TOX: variants seen among roughly 807,000 people sequenced by gnomAD.
The protein encoded by TOX is thymocyte selection-associated high mobility group box protein TOX.
TOX carries 11 observed loss-of-function variants against 53.7 expected under a neutral mutation model. The ratio of observed to expected loss-of-function variants is 0.20; its 90% CI spans 0.13 to 0.34. TOX has a LOEUF of 0.34. TOX is among the 10% of genes least tolerant of loss of function. TOX has a pLI of 1.00. For missense variants in TOX, 570 were observed against 664.6 expected (o/e 0.86, Z 1.56); for synonymous variants, 225 against 245.3 (o/e 0.92, Z 0.77).
At chr8:58,924,672 T>C (rs1294961799) in intron 3 of TOX, among the ~76,000 whole-genome samples, 2 of 152,236 alleles carry the variant, frequency 1.3e-5, no homozygotes, top group African/African-American at 4.8e-5. Context: ...AAAGTTGTCA[T>C]CAAGGTGCCT....
At chr8:58,968,407 G>A (rs1399238367) in intron 1 of TOX, among the ~76,000 whole-genome samples, 1 of 152,144 alleles carries the variant, frequency 6.6e-6, no homozygotes, top group East Asian at 1.9e-4. Context: ...AAACTATACC[G>A]TATAGTTGAA....
At chr8:58,945,432 A>C (rs1168847726) in intron 2 of TOX, among the ~76,000 whole-genome samples, 2 of 152,192 alleles carry the variant, frequency 1.3e-5, no homozygotes, top group Admixed American at 1.3e-4. Context: ...ATGCCTTTTC[A>C]GCCATTTCAC....
intron 1 of TOX, among the ~76,000 whole-genome samples, chr8:59,008,744 T>C (rs189651139): frequency 9.8e-5 from 15 of 152,322 alleles, no homozygotes; most frequent in Non-Finnish European, 1.9e-4. Flanking sequence ...ATGGTGGCTG[T>C]CTGTGGCATT....
At chr8:58,976,725 G>C (rs1327438083) in intron 1 of TOX, among the ~76,000 whole-genome samples, 1 of 152,130 alleles carries the variant, frequency 6.6e-6, no homozygotes, top group Admixed American at 6.6e-5. Flanking sequence ...TCGATCCATG[G>C]GTTGCAGAAT....
At chr8:59,090,149 G>A (rs927621633) in intron 1 of TOX, among the ~76,000 whole-genome samples, 2 of 152,210 alleles carry the variant, frequency 1.3e-5, no homozygotes, top group African/African-American at 2.4e-5. Context: ...AATATGTAAC[G>A]AGTTTCTAAG....
intron 1 of TOX, among the ~76,000 whole-genome samples, chr8:59,037,773 G>A (rs912624426): frequency 1.4e-4 from 20 of 140,120 alleles, no homozygotes; most frequent in African/African-American, 4.6e-4. Flanking sequence ...TTGCACTCCA[G>A]CCTGGGCAAC....
intron 1 of TOX, among the ~76,000 whole-genome samples, chr8:58,969,964 G>A (rs1427038760): frequency 1.3e-5 from 2 of 152,146 alleles, no homozygotes; most frequent in African/African-American, 4.8e-5. Flanking sequence ...GGAGAACAAA[G>A]TATCACCACA....
intron 1 of TOX, among the ~76,000 whole-genome samples, chr8:59,091,058 T>C (rs1342407936): frequency 2.0e-5 from 3 of 152,046 alleles, no homozygotes; most frequent in Non-Finnish European, 4.4e-5. Flanking sequence ...GCCTCTCCTA[T>C]CCAAAAATAA....
At chr8:59,070,610 T>C (rs1241667566) in intron 1 of TOX, among the ~76,000 whole-genome samples, 1 of 150,096 alleles carries the variant, frequency 6.7e-6, no homozygotes, top group Non-Finnish European at 1.5e-5. Context: ...AGAGCACAGG[T>C]TGAGGTCTCA....
At chr8:59,001,833 C>T (rs920252529) in intron 1 of TOX, among the ~76,000 whole-genome samples, 8 of 151,950 alleles carry the variant, frequency 5.3e-5, no homozygotes, top group African/African-American at 1.4e-4. Flanking sequence ...TCAAAAGAGA[C>T]CAGAAAAAAT....
intron 5 of TOX, among the ~76,000 whole-genome samples, chr8:58,830,530 A>G (rs1364730732): frequency 2.0e-5 from 3 of 152,204 alleles, no homozygotes; most frequent in East Asian, 1.9e-4. Context: ...CGATATGACA[A>G]ACTCAAACAG....
At chr8:59,107,397 T>TA (rs1364272428) in intron 1 of TOX, among the ~76,000 whole-genome samples, 1 of 152,156 alleles carries the variant, frequency 6.6e-6, no homozygotes, top group Non-Finnish European at 1.5e-5. Flanking sequence ...CATAAATCCA[T>TA]AAAAACAGGA....
chr8:59,036,403 CTT>C (rs1437515522), intron 1 of TOX, among the ~76,000 whole-genome samples: 1 of 152,212 alleles, frequency 6.6e-6, no homozygotes, highest in African/African-American at 2.4e-5. Flanking sequence ...GCAACGGCCT[CTT>C]GTCTCACTCA....
intron 1 of TOX, among the ~76,000 whole-genome samples, chr8:59,066,842 G>A (rs1427792832): frequency 6.6e-6 from 1 of 152,096 alleles, no homozygotes; most frequent in African/African-American, 2.4e-5. Context: ...CAAGCTTGAG[G>A]GTCAAACTCA....
chr8:58,936,934 C>T (rs1399544421), intron 3 of TOX, among the ~76,000 whole-genome samples: 1 of 152,212 alleles, frequency 6.6e-6, no homozygotes, highest in Non-Finnish European at 1.5e-5. Flanking sequence ...GTCCCTCAGT[C>T]CCACTAGCCA....
chr8:59,107,696 T>C (rs1481964111), intron 1 of TOX, among the ~76,000 whole-genome samples: 1 of 152,166 alleles, frequency 6.6e-6, no homozygotes, highest in Non-Finnish European at 1.5e-5. Context: ...AGTGGGTGAC[T>C]CTGATATTCT....
rs115849124 is a variant in TOX, at chr8:58,974,932, A to C, written c.103-14924T>G. Among the ~76,000 whole-genome samples the C allele has an allele frequency of 6.5e-3, 991 of 152,226 alleles. 5 individuals carry two copies. The highest frequency in any genetic ancestry group is 0.018 in the African/African-American group (730 of 41,552). Reference sequence around the variant, plus strand: ...TTCCATACGGTTCTTAGGACAAGTGAGTATCCCCTCAAGATGTTATCTGTG... The same window carrying C: ...TTCCATACGGTTCTTAGGACAAGTGCGTATCCCCTCAAGATGTTATCTGTG... On this transcript the variant is annotated intron_variant, in intron 1 of 8. Coordinates refer to ENST00000361421, the MANE Select transcript of TOX (RefSeq NM_014729.3).
intron 4 of TOX, 45 bp from the exon 5 acceptor site, chr8:58,838,356 T>A: frequency 6.6e-7 from 1 of 1,522,748 alleles, no homozygotes; most frequent in Non-Finnish European, 9.1e-7. Context: ...CTGAGACAAT[T>A]TGGGGACAAG....
At chr8:59,040,354 G>GC (rs1803558488) in intron 1 of TOX, among the ~76,000 whole-genome samples, 1 of 128,200 alleles carries the variant, frequency 7.8e-6, no homozygotes, top group Non-Finnish European at 1.7e-5. Context: ...AAAAAAAGAA[G>GC]CATCAATTTC....
Sources: gnomAD v4.1 joint callset for allele counts (sites outside exome capture counted in the v4.1 genomes callset) on GRCh38, gnomAD v4.1.1 for gene constraint, MANE v1.5 for transcripts, NCBI Gene and HGNC (gene_info 2026-07-23, HGNC 2026-07-21) for gene names.